KIRREL3: variants seen among roughly 807,000 people sequenced by gnomAD.
KIRREL3 encodes the protein kin of IRRE-like protein 3.
Under a neutral mutation model 89.7 loss-of-function variants are expected in KIRREL3, and 36 were observed. The observed-to-expected ratio is 0.40, with a 90% CI of 0.31 to 0.53. The LOEUF is 0.53. Ranked by LOEUF, KIRREL3 falls within the 20% of genes least tolerant of loss-of-function variation. The pLI is 0.49. For missense variants in KIRREL3, 864 were observed against 1,056.6 expected (o/e 0.82, Z 2.53); for synonymous variants, 445 against 441.4 (o/e 1.01, Z -0.10).
intron 4 of KIRREL3, among the ~76,000 whole-genome samples, chr11:126,512,478 A>G (rs1958256339): frequency 6.6e-6 from 1 of 152,172 alleles, no homozygotes; most frequent in South Asian, 2.1e-4. Flanking sequence ...GTGCTTTTGC[A>G]GGCTTGTGGG....
In KIRREL3 at chr11:126,739,314, CAA is replaced by C. The variant is rs1948905425; in HGVS notation, c.56-176404_56-176403del. On this transcript the variant is annotated intron_variant, in intron 1 of 16. Transcript: ENST00000525144. This position sits in a 1 kb window ranked among gnomAD's most constrained non-coding sequence, Gnocchi z 5.5. Reference sequence around the variant, plus strand: ...TTGGCATGGTTATGGGGCTTCTCTGCAAATTGCTTCATCCTCCTCTGCATAAC... The same window carrying C: ...TTGGCATGGTTATGGGGCTTCTCTGCATTGCTTCATCCTCCTCTGCATAAC... Among the ~76,000 whole-genome samples, 1 of 152,228 alleles carries C rather than the reference CAA, an allele frequency of 6.6e-6. No homozygotes were observed. The highest frequency in any genetic ancestry group is 6.5e-5 in the Admixed American group (1 of 15,290).
chr11:126,425,358 A>G (rs1344130062), intron 16 of KIRREL3, among the ~76,000 whole-genome samples: 1 of 152,156 alleles, frequency 6.6e-6, no homozygotes, highest in East Asian at 1.9e-4. Context: ...CAGGCTTTTT[A>G]ATTGTTTTTA....
In KIRREL3 at chr11:126,519,568, A is replaced by G. The variant is rs756079178; in HGVS notation, c.433+1747T>C. ...TTAAGGATGAGATGTGGCTCCACCTATTTTTGGTTCCTGTGAAGTCAGAGG... is the reference window on the plus strand; with the variant it reads ...TTAAGGATGAGATGTGGCTCCACCTGTTTTTGGTTCCTGTGAAGTCAGAGG... On this transcript the variant is annotated intron_variant, in intron 4 of 16. Coordinates refer to ENST00000525144, the MANE Select transcript of KIRREL3 (RefSeq NM_032531.4). This position sits in a 1 kb window ranked among gnomAD's most constrained non-coding sequence, Gnocchi z 4.3. Among the ~76,000 whole-genome samples, 1 of 152,136 alleles carries G rather than the reference A, an allele frequency of 6.6e-6. No individual in the cohort carries two copies. Among genetic ancestry groups the G allele is most frequent in the Non-Finnish European group, 1.5e-5 (1 of 68,028 alleles).
At chr11:126,556,802 G>A (rs554284177) in intron 2 of KIRREL3, among the ~76,000 whole-genome samples, 1 of 152,258 alleles carries the variant, frequency 6.6e-6, no homozygotes, top group Admixed American at 6.5e-5. Flanking sequence ...CAGGTCTCTT[G>A]TTCCAAGACA....
intron 1 of KIRREL3, among the ~76,000 whole-genome samples, chr11:126,950,229 C>A (rs1041816532): frequency 1.3e-5 from 2 of 152,046 alleles, no homozygotes; most frequent in Non-Finnish European, 2.9e-5. Flanking sequence ...AAAATTTAGC[C>A]AGGCATGGTG....
rs1302879182 is a variant in KIRREL3 at position 126,642,277 on chromosome 11, A to T, written c.56-79365T>A. 2.6e-5 allele frequency among the ~76,000 whole-genome samples: 4 copies of T among 152,172 alleles called. No homozygotes were observed. The highest frequency in any genetic ancestry group is 5.9e-5 in the Non-Finnish European group (4 of 68,034). ...TTGGTGGTTAGTTCTCACTTTCCCC[A>T]TTTCTGAGACCAGCAAGAGGCTCTG... On this transcript the variant is annotated intron_variant, in intron 1 of 16. Coordinates refer to ENST00000525144, the MANE Select transcript of KIRREL3 (RefSeq NM_032531.4). This position sits in a 1 kb window ranked among gnomAD's most constrained non-coding sequence, Gnocchi z 4.9.
chr11:126,690,752 T>C (rs1428769977), intron 1 of KIRREL3, among the ~76,000 whole-genome samples: 1 of 152,204 alleles, frequency 6.6e-6, no homozygotes, highest in Non-Finnish European at 1.5e-5. Flanking sequence ...TTTTATCTGA[T>C]GTCGAGGAAT....
chr11:126,774,664 G>C (rs371616273), intron 1 of KIRREL3, among the ~76,000 whole-genome samples: 2 of 152,236 alleles, frequency 1.3e-5, no homozygotes, highest in African/African-American at 4.8e-5. Context: ...GAGGAGAAAA[G>C]GGGCTCTCAT....
At position 126,611,618 on chromosome 11, in the gene KIRREL3, T is replaced by C. The variant is rs1045523277; in HGVS notation, c.56-48706A>G. On this transcript the variant is annotated intron_variant, in intron 1 of 16. Transcript: ENST00000525144. The surrounding 1 kb of genome is among the most constrained non-coding windows in gnomAD (Gnocchi z 4.7). ...CTGCAGAGTCCAAAGGTGGCTGTCA[T>C]GTCATTTGTCCACGTTTGCATTCCC... 5.3e-5 allele frequency among the ~76,000 whole-genome samples: 8 copies of C among 152,182 alleles called. No individual in the cohort carries two copies.
chr11:126,439,355 T>C (rs1353089972), intron 11 of KIRREL3, among the ~76,000 whole-genome samples: 1 of 151,312 alleles, frequency 6.6e-6, no homozygotes, highest in Non-Finnish European at 1.5e-5. Context: ...AAAAAAAGAC[T>C]CTGCCCTCAC....
intron 2 of KIRREL3, among the ~76,000 whole-genome samples, chr11:126,536,572 T>C (rs1250312095): frequency 6.6e-6 from 1 of 151,044 alleles, no homozygotes; most frequent in Non-Finnish European, 1.5e-5. Flanking sequence ...AAAGCTTTGA[T>C]GCAGACTCTG....
rs1407917411 is a variant in KIRREL3, at chr11:126,876,654, C to T, written c.55+123801G>A. On this transcript the variant is annotated intron_variant, in intron 1 of 16. Transcript: ENST00000525144. The surrounding 1 kb of genome is among the most constrained non-coding windows in gnomAD (Gnocchi z 4.1). ...CAGGGTTCAAGCAATTGTCCTGCCT[C>T]AGCCTTCCAAGTAGCTGGGATTACA... Among the ~76,000 whole-genome samples the T allele has an allele frequency of 6.6e-6, 1 of 151,746 alleles. No individual in the cohort carries two copies. The highest frequency in any genetic ancestry group is 1.5e-5 in the Non-Finnish European group (1 of 68,004).
chr11:126,493,727 GC>G (rs1236275615), intron 4 of KIRREL3, among the ~76,000 whole-genome samples: 3 of 149,098 alleles, frequency 2.0e-5, no homozygotes, highest in Non-Finnish European at 3.0e-5. Flanking sequence ...TTTCCCTACA[GC>G]CCCCCTCACC....
At chr11:126,497,012 T>C (rs1029829893) in intron 4 of KIRREL3, among the ~76,000 whole-genome samples, 1 of 151,784 alleles carries the variant, frequency 6.6e-6, no homozygotes, top group African/African-American at 2.4e-5. Flanking sequence ...TGTCAGGGAG[T>C]GGGGTCCAGT....
Position 126,768,518 on chromosome 11 carries a change from A to G in KIRREL3, c.56-205606T>C, listed in dbSNP as rs1949919201. Reference sequence around the variant, plus strand: ...TAAAAAGACTAGACATACACAAGACAGATTCCAACAGTCAGAAGTGCAAGG... The same window carrying G: ...TAAAAAGACTAGACATACACAAGACGGATTCCAACAGTCAGAAGTGCAAGG... On this transcript the variant is annotated intron_variant, in intron 1 of 16. Transcript: ENST00000525144. This position sits in a 1 kb window ranked among gnomAD's most constrained non-coding sequence, Gnocchi z 4.5. Among the ~76,000 whole-genome samples the G allele has an allele frequency of 6.6e-6, 1 of 152,232 alleles. No individual in the cohort carries two copies. The highest frequency in any genetic ancestry group is 2.4e-5 in the African/African-American group (1 of 41,454).
rs544341723 is a variant in KIRREL3, at chr11:126,905,743, C to A, written c.55+94712G>T. The stretch of plus-strand genomic sequence containing the variant: ...GAGATGGAATTGTTGTGTACCGCCA[C>A]AGCCTGACAACACAGAGCCCTATCT... On this transcript the variant is annotated intron_variant, in intron 1 of 16. Coordinates refer to ENST00000525144, the MANE Select transcript of KIRREL3 (RefSeq NM_032531.4). The surrounding 1 kb of genome is among the most constrained non-coding windows in gnomAD (Gnocchi z 5.0). 1.3e-5 allele frequency among the ~76,000 whole-genome samples: 2 copies of A among 152,272 alleles called. No homozygotes were observed. The highest frequency in any genetic ancestry group is 4.8e-5 in the African/African-American group (2 of 41,562).
chr11:126,567,013 G>T (rs1940567959), intron 1 of KIRREL3, among the ~76,000 whole-genome samples: 1 of 152,184 alleles, frequency 6.6e-6, no homozygotes. Context: ...AAAGTACGGG[G>T]TCGCAGAGCT....
At chr11:126,630,140 G>A (rs1943957463) in intron 1 of KIRREL3, among the ~76,000 whole-genome samples, 2 of 152,190 alleles carry the variant, frequency 1.3e-5, no homozygotes, top group Non-Finnish European at 2.9e-5. Context: ...CTTCCACATA[G>A]ACGGACTGGG....
intron 1 of KIRREL3, among the ~76,000 whole-genome samples, chr11:126,733,621 A>G (rs1948706871): frequency 6.6e-6 from 1 of 152,164 alleles, no homozygotes; most frequent in African/African-American, 2.4e-5. Flanking sequence ...CAGTTCCTAC[A>G]TTTACTTTCA....
Sources: allele counts gnomAD v4.1 joint callset (sites outside exome capture counted in the v4.1 genomes callset), GRCh38; gene constraint gnomAD v4.1.1; non-coding constraint Gnocchi (gnomAD v3.1); transcripts MANE v1.5; gene names NCBI Gene and HGNC (gene_info 2026-07-23, HGNC 2026-07-21).